Variants in TSGA10IP observed in about 807,000 individuals in gnomAD.
TSGA10IP encodes the protein testis-specific protein 10-interacting protein.
Under a neutral mutation model 63.2 loss-of-function variants are expected in TSGA10IP, and 64 were observed. The observed-to-expected ratio is 1.01, with a 90% CI of 0.83 to 1.25. TSGA10IP has a LOEUF of 1.25. TSGA10IP is among the 50% of genes most tolerant of loss of function. TSGA10IP has a pLI of 0.00. For synonymous variants in TSGA10IP, 316 were observed against 298.3 expected, an observed-to-expected ratio of 1.06 and a Z score of -0.61; for missense variants, 681 against 710.1, an observed-to-expected ratio of 0.96 and a Z score of 0.47.
intron 1 of TSGA10IP, 77 bp downstream of exon 1, chr11:65,945,899 T>A: frequency 6.5e-7 from 1 of 1,531,742 alleles, no homozygotes; most frequent in Non-Finnish European, 8.8e-7. Context: ...GGGGAGGCCC[T>A]TGAGAAGCCA....
chr11:65,959,314 G>T, exon 7 of TSGA10IP: 1 of 1,611,062 alleles, frequency 6.2e-7, no homozygotes, highest in Non-Finnish European at 8.5e-7. Flanking sequence ...AGGAAACCCA[G>T]GTGAGTCTCC....
At chr11:65,947,287 C>T (rs755954020) in exon 3 of TSGA10IP, 4 of 1,612,424 alleles carry the variant, frequency 2.5e-6, no homozygotes, top group Non-Finnish European at 3.4e-6. Flanking sequence ...CGGCCAACCT[C>T]CCAGAGGCCC....
intron 4 of TSGA10IP, 84 bp downstream of exon 4, chr11:65,948,232 A>T: frequency 6.9e-7 from 1 of 1,443,442 alleles, no homozygotes; most frequent in Non-Finnish European, 9.2e-7. Flanking sequence ...AGGCATTTGA[A>T]CTCTCATTCA....
At chr11:65,949,441 G>T (rs1028526958) in intron 4 of TSGA10IP, among the ~76,000 whole-genome samples, 1 of 150,358 alleles carries the variant, frequency 6.7e-6, no homozygotes, top group Non-Finnish European at 1.5e-5. Context: ...TTTTGAGATG[G>T]AGTCTCACTC....
chr11:65,952,725 A>C (rs1196778959), intron 4 of TSGA10IP, among the ~76,000 whole-genome samples: 1 of 151,874 alleles, frequency 6.6e-6, no homozygotes, highest in East Asian at 1.9e-4. Flanking sequence ...GTGTATATAT[A>C]CCATGTTGCT....
intron 6 of TSGA10IP, 78 bp downstream of exon 6, chr11:65,959,060 G>C: frequency 1.3e-6 from 2 of 1,573,566 alleles, no homozygotes; most frequent in Non-Finnish European, 1.7e-6. Context: ...CAGGATGCGA[G>C]TAGGTCCCTG....
At chr11:65,947,160 G>C in exon 3 of TSGA10IP, 1 of 1,611,252 alleles carries the variant, frequency 6.2e-7, no homozygotes, top group Non-Finnish European at 8.5e-7. Context: ...CAGTGGGCCT[G>C]GGAGAGCATC....
exon 2 of TSGA10IP, chr11:65,946,946 C>A (rs775865068): frequency 6.2e-7 from 1 of 1,613,950 alleles, no homozygotes; most frequent in Admixed American, 1.7e-5. Context: ...GAGCTCAAGG[C>A]AGACAGCAAA....
chr11:65,959,100 G>A, intron 6 of TSGA10IP, 90 bp from the exon 7 acceptor site: 1 of 1,564,964 alleles, frequency 6.4e-7, no homozygotes, highest in Non-Finnish European at 8.7e-7. Context: ...GCTGCCCTCT[G>A]GAATCCCTGG....
exon 4 of TSGA10IP, chr11:65,948,005 C>A: frequency 1.3e-6 from 2 of 1,559,484 alleles, no homozygotes; most frequent in African/African-American, 1.4e-5. Flanking sequence ...GGGCAGGCCC[C>A]CAAAAGCTGC....
intron 3 of TSGA10IP, 67 bp downstream of exon 3, chr11:65,947,895 G>A: frequency 6.6e-7 from 1 of 1,507,496 alleles, no homozygotes; most frequent in Non-Finnish European, 8.9e-7. Flanking sequence ...AGCAGTCAGG[G>A]AGGCAGGGGC....
At chr11:65,952,416 T>G (rs1167365819) in intron 4 of TSGA10IP, among the ~76,000 whole-genome samples, 2 of 149,902 alleles carry the variant, frequency 1.3e-5, no homozygotes, top group East Asian at 3.9e-4. Flanking sequence ...AAGCTTTCTT[T>G]TGTGTGTGTG....
exon 3 of TSGA10IP, chr11:65,947,482 C>T (rs199784761): frequency 6.2e-7 from 1 of 1,613,270 alleles, no homozygotes; most frequent in Admixed American, 1.7e-5. Flanking sequence ...AGCTGCAAAG[C>T]CTGGGTGCTG....
chr11:65,954,826 A>AG (rs1172046000), intron 5 of TSGA10IP, among the ~76,000 whole-genome samples: 1 of 151,876 alleles, frequency 6.6e-6, no homozygotes, highest in African/African-American at 2.4e-5. Flanking sequence ...CTCAAAAAAA[A>AG]AAAAAAAAGC....
intron 5 of TSGA10IP, among the ~76,000 whole-genome samples, chr11:65,955,226 TTTTG>T (rs1855004032): frequency 6.6e-6 from 1 of 152,006 alleles, no homozygotes; most frequent in Non-Finnish European, 1.5e-5. Flanking sequence ...AATAAGGGGC[TTTTG>T]TTTTTTTTTT....
chr11:65,947,375 C>T, exon 3 of TSGA10IP: 1 of 1,612,444 alleles, frequency 6.2e-7, no homozygotes, highest in Non-Finnish European at 8.5e-7. Context: ...TGTCTCCATC[C>T]CTACTGGCAA....
At chr11:65,956,091 G>A (rs1323511403) in intron 5 of TSGA10IP, among the ~76,000 whole-genome samples, 2 of 151,914 alleles carry the variant, frequency 1.3e-5, no homozygotes, top group African/African-American at 4.8e-5. Context: ...TAAGGCCACT[G>A]ACGGCTCAGC....
In TSGA10IP at chr11:65,957,011, G is replaced by A. The variant is rs536351259; in HGVS notation, c.1323-1872G>A. On this transcript the variant is annotated intron_variant, in intron 5 of 7. Transcript: ENST00000532620. ...AGCCTATGAACTTCGCTGTCTGAGC[G>A]GAACAGGAGACTCTGTCCTGCCTAG... Among the ~76,000 whole-genome samples, 8 of 152,316 alleles carry A rather than the reference G, an allele frequency of 5.3e-5. No individual in the cohort carries two copies. The East Asian group carries it at 7.7e-4, about 15-fold the overall frequency.
In TSGA10IP at chr11:65,949,850, G is replaced by GTTTTTT. The variant is rs377116599; in HGVS notation, c.1151+1718_1151+1723dup. Among the ~76,000 whole-genome samples the GTTTTTT allele has an allele frequency of 8.8e-5, 9 of 101,698 alleles. 2 individuals carry two copies. The highest frequency in any genetic ancestry group is 3.2e-4 in the East Asian group (1 of 3,128). The allele number at this position is 101,698 out of a possible 152,430, so 66.7% of individuals were successfully genotyped here. On this transcript the variant is annotated intron_variant, in intron 4 of 7. Transcript: ENST00000532620. The stretch of plus-strand genomic sequence containing the variant: ...ACTAATTAACATATGCATTACCTCG[G>GTTTTTT]TTTTTTTTTTTTTTTTTTTTTGAGA...
Sources: allele counts gnomAD v4.1 joint callset (sites outside exome capture counted in the v4.1 genomes callset), GRCh38; gene constraint gnomAD v4.1.1; transcripts MANE v1.5; gene names NCBI Gene and HGNC (gene_info 2026-07-23, HGNC 2026-07-21).